The following PLCXD3 variants were observed in gnomAD, a reference collection of about 807,000 sequenced individuals.
PLCXD3 encodes phosphatidylinositol specific phospholipase C X domain containing 3.
A neutral mutation model predicts 25.5 loss-of-function variants in PLCXD3; 19 were observed. That is an observed-to-expected ratio of 0.75 (90% CI 0.52 to 1.09). The LOEUF (loss-of-function observed/expected upper bound fraction) is 1.09. Ranked by LOEUF, PLCXD3 falls within the 50% of genes least tolerant of loss-of-function variation. The pLI is 0.00. For synonymous variants in PLCXD3, 174 were observed against 137.6 expected (o/e 1.26, Z -1.85); for missense variants, 411 against 388.1 (o/e 1.06, Z -0.50).
intron 1 of PLCXD3, among the ~76,000 whole-genome samples, chr5:41,482,114 A>T (rs1748427270): frequency 6.6e-6 from 1 of 152,124 alleles, no homozygotes; most frequent in African/African-American, 2.4e-5. Context: ...GTAAAAAAAG[A>T]TATGCTTCTT....
Position 41,313,447 on chromosome 5 carries a change from G to T in PLCXD3, c.*170C>A. On this transcript the variant is annotated 3_prime_UTR_variant, in exon 3 of 3. Transcript: ENST00000377801. Reference sequence around the variant, plus strand: ...GAAATGAAATATTTATAGTAATGAAGAGTATGATTGTAATCACTGAAGAAA... The same window carrying T: ...GAAATGAAATATTTATAGTAATGAATAGTATGATTGTAATCACTGAAGAAA... The T allele has an allele frequency of 1.6e-6, 1 of 606,186 alleles. No individual in the cohort carries two copies. Among genetic ancestry groups the T allele is most frequent in the Non-Finnish European group, 2.7e-6 (1 of 364,670 alleles). 37.6% of individuals were successfully genotyped at this position (606,186 alleles called of 1,614,324 possible).
intron 1 of PLCXD3, among the ~76,000 whole-genome samples, chr5:41,390,284 T>C (rs889154976): frequency 1.3e-5 from 2 of 152,084 alleles, no homozygotes; most frequent in African/African-American, 2.4e-5. Flanking sequence ...AGCATTTGGG[T>C]GGTTTCCATT....
intron 1 of PLCXD3, among the ~76,000 whole-genome samples, chr5:41,419,561 A>T (rs188340342): frequency 4.9e-4 from 74 of 152,336 alleles, no homozygotes; most frequent in Non-Finnish European, 9.1e-4. Flanking sequence ...CAATTAAAAA[A>T]AATACTGAGG....
rs111990067 is a variant in PLCXD3 at position 41,456,429 on chromosome 5, C to A, written c.103+53995G>T. ...TAAAATATGTATGTACAATGGCTAACTTTTTTCTAAAAGAGATAAATTCAG... is the reference window on the plus strand; with the variant it reads ...TAAAATATGTATGTACAATGGCTAAATTTTTTCTAAAAGAGATAAATTCAG... On this transcript the variant is annotated intron_variant, in intron 1 of 2. Coordinates refer to ENST00000377801, the MANE Select transcript of PLCXD3 (RefSeq NM_001005473.3). 4.3e-3 allele frequency: 2,003 copies of A among 463,660 alleles called. 34 individuals carry two copies. Among genetic ancestry groups the A allele is most frequent in the African/African-American group, 0.04 (1,849 of 46,720 alleles). The allele number at this position is 463,660 out of a possible 1,614,324, so 28.7% of individuals were successfully genotyped here. A position where few individuals can be genotyped will look rare whatever the true frequency, so the allele number is the denominator to read the frequency against.
At chr5:41,316,318 C>T (rs1743290375) in intron 2 of PLCXD3, among the ~76,000 whole-genome samples, 1 of 152,184 alleles carries the variant, frequency 6.6e-6, no homozygotes, top group Non-Finnish European at 1.5e-5. Context: ...TCATCACCTG[C>T]TAACTGAAGA....
chr5:41,451,795 C>G (rs1333499727), intron 1 of PLCXD3, among the ~76,000 whole-genome samples: 2 of 151,892 alleles, frequency 1.3e-5, no homozygotes, highest in Non-Finnish European at 2.9e-5. Context: ...CACTTTTTTG[C>G]TAGCCTTCAG....
intron 2 of PLCXD3, among the ~76,000 whole-genome samples, chr5:41,317,861 C>T (rs1015195314): frequency 2.0e-5 from 3 of 151,864 alleles, no homozygotes; most frequent in Non-Finnish European, 2.9e-5. Context: ...AGCATGCCTA[C>T]AGGATGCAGA....
At chr5:41,373,283 T>TAC (rs1208997375) in intron 2 of PLCXD3, among the ~76,000 whole-genome samples, 2 of 152,276 alleles carry the variant, frequency 1.3e-5, no homozygotes, top group East Asian at 3.9e-4. Flanking sequence ...TTACAGAGGC[T>TAC]ACACATAACA....
intron 1 of PLCXD3, among the ~76,000 whole-genome samples, chr5:41,508,120 G>A (rs1749091671): frequency 6.6e-6 from 1 of 152,188 alleles, no homozygotes; most frequent in South Asian, 2.1e-4. Flanking sequence ...AGAAGGGGAA[G>A]CTTTACAGGA....
At chr5:41,385,095 G>T (rs1003464124) in intron 1 of PLCXD3, among the ~76,000 whole-genome samples, 1 of 152,010 alleles carries the variant, frequency 6.6e-6, no homozygotes, top group African/African-American at 2.4e-5. Context: ...CATTTTCACT[G>T]AACTAGTAAG....
At chr5:41,395,331 T>C (rs939856766) in intron 1 of PLCXD3, among the ~76,000 whole-genome samples, 1 of 151,992 alleles carries the variant, frequency 6.6e-6, no homozygotes, top group Non-Finnish European at 1.5e-5. Context: ...AAATTAGTAC[T>C]AAGATGGAAA....
chr5:41,367,378 A>G (rs1001585750), intron 2 of PLCXD3, among the ~76,000 whole-genome samples: 1 of 151,970 alleles, frequency 6.6e-6, no homozygotes, highest in East Asian at 1.9e-4. Flanking sequence ...ATTTGCATTT[A>G]TCTAATGATC....
chr5:41,358,205 G>A (rs1744673593), intron 2 of PLCXD3, among the ~76,000 whole-genome samples: 1 of 152,190 alleles, frequency 6.6e-6, no homozygotes, highest in Admixed American at 6.5e-5. Context: ...GAGGTTCAGA[G>A]GGTTTATGGA....
At chr5:41,353,724 T>G (rs906094370) in intron 2 of PLCXD3, among the ~76,000 whole-genome samples, 5 of 152,174 alleles carry the variant, frequency 3.3e-5, no homozygotes, top group Non-Finnish European at 7.3e-5. Context: ...ATGAAATCAC[T>G]CACTGGGGAA....
intron 2 of PLCXD3, among the ~76,000 whole-genome samples, chr5:41,378,174 A>G (rs954406248): frequency 3.3e-5 from 5 of 152,116 alleles, no homozygotes; most frequent in African/African-American, 1.2e-4. Flanking sequence ...TTGCTTTTGC[A>G]AGGCATGACC....
intron 2 of PLCXD3, among the ~76,000 whole-genome samples, chr5:41,344,902 A>G (rs1328337405): frequency 6.6e-6 from 1 of 152,198 alleles, no homozygotes; most frequent in African/African-American, 2.4e-5. Flanking sequence ...TGAGGAGTTA[A>G]TGGTGAATAA....
chr5:41,392,842 T>C (rs1745876383), intron 1 of PLCXD3, among the ~76,000 whole-genome samples: 1 of 152,098 alleles, frequency 6.6e-6, no homozygotes, highest in African/African-American at 2.4e-5. Context: ...CAGAATTCTA[T>C]CAGATAAATT....
chr5:41,358,200 T>C lies in PLCXD3; in HGVS notation c.812+23626A>G, dbSNP rs565173282. On this transcript the variant is annotated intron_variant, in intron 2 of 2. Coordinates refer to ENST00000377801, the MANE Select transcript of PLCXD3 (RefSeq NM_001005473.3). ...AATTTTACAGAGGAGGAACTGAGGT[T>C]CAGAGGGTTTATGGAACTTGCCTAA... Among the ~76,000 whole-genome samples, 19 of 152,328 alleles carry C rather than the reference T, an allele frequency of 1.2e-4. No homozygotes were observed. In the South Asian group the frequency reaches 3.9e-3, roughly 32 times the overall value.
chr5:41,346,992 A>G (rs1744319225), intron 2 of PLCXD3, among the ~76,000 whole-genome samples: 1 of 152,196 alleles, frequency 6.6e-6, no homozygotes, highest in African/African-American at 2.4e-5. Flanking sequence ...GTATGGATAT[A>G]AGTTTGCAAT....
Sources: gnomAD v4.1 joint callset for allele counts (sites outside exome capture counted in the v4.1 genomes callset) on GRCh38, gnomAD v4.1.1 for gene constraint, MANE v1.5 for transcripts, NCBI Gene and HGNC (gene_info 2026-07-23, HGNC 2026-07-21) for gene names.